Variants in TSPAN11 observed in about 807,000 individuals in gnomAD.
TSPAN11 encodes tetraspanin 11, also known as tetraspanin-11.
Under a neutral mutation model 32.9 loss-of-function variants are expected in TSPAN11, and 29 were observed. That is an observed-to-expected ratio of 0.88 (90% CI 0.66 to 1.20). The LOEUF (loss-of-function observed/expected upper bound fraction) is 1.20, where lower values mean the gene tolerates loss of function less well. Ranked by LOEUF, TSPAN11 falls within the 50% of genes most tolerant of loss-of-function variation. The pLI, the probability that TSPAN11 is intolerant of heterozygous loss-of-function variation, is 0.00. For synonymous variants in TSPAN11, 140 were observed against 141.3 expected (o/e 0.99, Z 0.07); for missense variants, 283 against 329.1 (o/e 0.86, Z 1.08).
rs144691872 is a variant in TSPAN11 at position 30,947,107 on chromosome 12, C to T, written c.-11-6874C>T. ...AGGTCCCTCCGTTCACTGGCAGGGG[C>T]AGATAAGCCCACATCAAGTGGCATA... On this transcript the variant is annotated intron_variant, in intron 1 of 7. Coordinates refer to ENST00000546076, the MANE Select transcript of TSPAN11 (RefSeq NM_001370302.1). Among the ~76,000 whole-genome samples, 1,078 of 152,316 alleles carry T rather than the reference C, an allele frequency of 7.1e-3. 14 individuals are homozygous for T. The highest frequency in any genetic ancestry group is 0.024 in the African/African-American group (1,004 of 41,566).
At position 30,992,196 on chromosome 12, in the gene TSPAN11, G is replaced by GT. The variant is rs1939328305; in HGVS notation, c.*281_*282insT. On this transcript the variant is annotated 3_prime_UTR_variant, in exon 8 of 8. Transcript: ENST00000546076. ...CAACCAGAGCCCCTCACCAGGAACG[G>GT]GGGCACCCGTGGACTACGGGAGGGT... 5.7e-6 allele frequency: 3 copies of GT among 526,418 alleles called. No individual in the cohort carries two copies. Among genetic ancestry groups the GT allele is most frequent in the Non-Finnish European group, 1.0e-5 (3 of 291,924 alleles). 32.6% of individuals were successfully genotyped at this position (526,418 alleles called of 1,614,324 possible).
downstream of TSPAN11, among the ~76,000 whole-genome samples, chr12:31,001,535 T>G (rs141353907): frequency 1.9e-3 from 282 of 152,336 alleles, 1 homozygote; most frequent in African/African-American, 6.5e-3. Context: ...TTGACTGTTG[T>G]CTAGGTGCTT....
At chr12:30,940,037 A>G (rs968607120) in intron 1 of TSPAN11, among the ~76,000 whole-genome samples, 2 of 152,208 alleles carry the variant, frequency 1.3e-5, no homozygotes, top group African/African-American at 4.8e-5. Context: ...AAGACGGGAA[A>G]TCCCTGGGCT....
chr12:30,952,985 T>C (rs899067557), intron 1 of TSPAN11, among the ~76,000 whole-genome samples: 2 of 152,142 alleles, frequency 1.3e-5, no homozygotes, highest in African/African-American at 4.8e-5. Context: ...CTTCAGACTT[T>C]CTGAGGTTCA....
At chr12:30,939,853 C>A (rs1362529154) in intron 1 of TSPAN11, among the ~76,000 whole-genome samples, 1 of 152,212 alleles carries the variant, frequency 6.6e-6, no homozygotes, top group African/African-American at 2.4e-5. Context: ...CAGGTGTTTC[C>A]CATCAATGGA....
At chr12:30,954,173 C>G in intron 2 of TSPAN11, 98 bp downstream of exon 2, 1 of 841,196 alleles carries the variant, frequency 1.2e-6, no homozygotes, top group Non-Finnish European at 2.0e-6. Flanking sequence ...TGATATCTTC[C>G]AAATCAAAGA....
At chr12:30,966,459 T>A (rs1938734928) in intron 3 of TSPAN11, among the ~76,000 whole-genome samples, 1 of 152,220 alleles carries the variant, frequency 6.6e-6, no homozygotes, top group African/African-American at 2.4e-5. Flanking sequence ...TGGCATGCAG[T>A]CTGCCTCCAA....
At chr12:31,005,197 A>C in the TSPAN11 span, among the ~76,000 whole-genome samples, 22,687 of 152,288 alleles carry the variant, frequency 0.15, 2,036 homozygotes, top group East Asian at 0.38. Context: ...TATCAATCAG[A>C]CAGCCAACGC....
chr12:30,929,266 G>T (rs541838901), intron 1 of TSPAN11, among the ~76,000 whole-genome samples: 1 of 152,156 alleles, frequency 6.6e-6, no homozygotes, highest in Admixed American at 6.5e-5. Flanking sequence ...GAAGAAATCC[G>T]CACTTGACCC....
intron 1 of TSPAN11, among the ~76,000 whole-genome samples, chr12:30,941,544 A>T (rs1349345734): frequency 6.6e-6 from 1 of 152,246 alleles, no homozygotes; most frequent in Non-Finnish European, 1.5e-5. Flanking sequence ...AAAGGCAAGG[A>T]GCAAGTTAGA....
At chr12:30,962,129 G>A (rs985885900) in intron 2 of TSPAN11, among the ~76,000 whole-genome samples, 1 of 152,038 alleles carries the variant, frequency 6.6e-6, no homozygotes, top group Non-Finnish European at 1.5e-5. Context: ...TTTTAGAGAT[G>A]TTAAAATGTG....
intron 2 of TSPAN11, chr12:30,954,375 C>A: frequency 3.0e-6 from 1 of 336,540 alleles, no homozygotes; most frequent in Non-Finnish European, 5.4e-6. Flanking sequence ...GTTCTTTCTT[C>A]CCCACTAACT....
the TSPAN11 span, among the ~76,000 whole-genome samples, chr12:31,012,175 C>T: frequency 6.6e-6 from 1 of 152,236 alleles, no homozygotes; most frequent in East Asian, 1.9e-4. Context: ...ACGTGCCTTG[C>T]TCCTCATTGT....
intron 4 of TSPAN11, chr12:30,978,905 C>T (rs1278579555): frequency 2.0e-6 from 1 of 492,412 alleles, no homozygotes; most frequent in African/African-American, 1.9e-5. Context: ...TCTCCCCTTC[C>T]AAGAATGGTC....
At chr12:30,988,255 C>T (rs1939239710) in intron 7 of TSPAN11, among the ~76,000 whole-genome samples, 1 of 152,208 alleles carries the variant, frequency 6.6e-6, no homozygotes, top group African/African-American at 2.4e-5. Flanking sequence ...CTACCTGGAC[C>T]AGAGCCACCG....
At chr12:30,978,484 C>A in intron 3 of TSPAN11, 77 bp from the exon 4 acceptor site, 2 of 1,448,220 alleles carry the variant, frequency 1.4e-6, no homozygotes, top group Non-Finnish European at 1.9e-6. Context: ...TCTCTACCAC[C>A]CCCACCACTG....
At chr12:30,973,071 C>T (rs1202126416) in intron 3 of TSPAN11, among the ~76,000 whole-genome samples, 31 of 152,146 alleles carry the variant, frequency 2.0e-4, no homozygotes, top group Admixed American at 2.0e-3. Context: ...CTAAGTGAGC[C>T]CAGTGAGCTC....
rs146735510 is a variant in TSPAN11 at position 30,952,980 on chromosome 12, G to C, written c.-11-1001G>C. Among the ~76,000 whole-genome samples the C allele has an allele frequency of 2.7e-3, 404 of 152,320 alleles. 1 individual carries two copies. The highest frequency in any genetic ancestry group is 3.4e-3 in the Middle Eastern group (1 of 294). ...AGAAGAGGAAACTACAAAGGCTTCA[G>C]ACTTTCTGAGGTTCAGACTGAGAAG... On this transcript the variant is annotated intron_variant, in intron 1 of 7. Coordinates refer to ENST00000546076, the MANE Select transcript of TSPAN11 (RefSeq NM_001370302.1).
At chr12:30,930,769 T>C (rs978280192) in intron 1 of TSPAN11, among the ~76,000 whole-genome samples, 2 of 152,200 alleles carry the variant, frequency 1.3e-5, no homozygotes, top group African/African-American at 4.8e-5. Flanking sequence ...TCCCCTGTAG[T>C]AGTCAGGGGG....
Sources: gnomAD v4.1 joint callset for allele counts (sites outside exome capture counted in the v4.1 genomes callset) on GRCh38, gnomAD v4.1.1 for gene constraint, MANE v1.5 for transcripts, NCBI Gene and HGNC (gene_info 2026-07-23, HGNC 2026-07-21) for gene names.